BSN: variants seen among roughly 807,000 people sequenced by gnomAD.
BSN encodes bassoon presynaptic cytomatrix protein.
A neutral mutation model predicts 264.8 loss-of-function variants in BSN; 57 were observed. The observed-to-expected ratio is 0.22, with a 90% CI of 0.17 to 0.27. The LOEUF (loss-of-function observed/expected upper bound fraction) is 0.27. BSN is among the 10% of genes least tolerant of loss of function. The pLI, the probability that BSN is intolerant of heterozygous loss-of-function variation, is 1.00. For missense variants in BSN, 4,615 were observed against 5,232.5 expected (o/e 0.88, Z 3.64); for synonymous variants, 2,059 against 2,137.3 (o/e 0.96, Z 1.01).
In BSN at chr3:49,652,786, A is replaced by C; in HGVS notation, c.3230A>C (p.Asp1077Ala). ...AGCACGGCCCGCAAGACCCGGCGGGACAAGGAAGAACTGCGGGCCCAGCGG... is the reference window on the plus strand; with the variant it reads ...AGCACGGCCCGCAAGACCCGGCGGGCCAAGGAAGAACTGCGGGCCCAGCGG... ...IRSTARKTRRDKEELRAQRRR... is the reference protein window; with the variant it reads ...IRSTARKTRRAKEELRAQRRR... The change falls in exon 5 of 12, where the codon GAC becomes GCC. Residue 1077 changes from aspartate to alanine, a missense_variant. Physicochemically the swap from Asp to Ala is moderately radical, Grantham distance 126. Around this residue, in one of 3 missense-constraint regions of BSN, gnomAD observed 3,415 missense variants for 3,866.4 expected, o/e 0.88. Transcript: ENST00000296452. The C allele has an allele frequency of 1.3e-6, 2 of 1,550,766 alleles. No homozygotes were observed. Among genetic ancestry groups the C allele is most frequent in the Non-Finnish European group, 1.7e-6 (2 of 1,147,726 alleles).
At chr3:49,586,168 G>A (rs2051935667) in intron 1 of BSN, among the ~76,000 whole-genome samples, 1 of 152,068 alleles carries the variant, frequency 6.6e-6, no homozygotes. Context: ...GGTCAAGAAA[G>A]TTTTGCCTGG....
At chr3:49,563,652 A>G (rs1384888887) in intron 1 of BSN, among the ~76,000 whole-genome samples, 1 of 152,216 alleles carries the variant, frequency 6.6e-6, no homozygotes, top group Non-Finnish European at 1.5e-5. Flanking sequence ...AAAGTCCGGT[A>G]TGTGAGGCTG....
chr3:49,655,126 C>T lies in BSN; in HGVS notation c.5570C>T (p.Ala1857Val). 6.2e-7 allele frequency: 1 copy of T among 1,612,404 alleles called. No homozygotes were observed. Among genetic ancestry groups the T allele is most frequent in the Admixed American group, 1.7e-5 (1 of 59,984 alleles). Reference sequence around the variant, plus strand: ...CTGCGGTCACATGCTCTGCCAGGTGCCAGGAAGCCACACACAGTGGTGGTG... The same window carrying T: ...CTGCGGTCACATGCTCTGCCAGGTGTCAGGAAGCCACACACAGTGGTGGTG... ...AELRSHALPG[A>V]RKPHTVVVQM... Residue 1857 changes from alanine to valine, a missense_variant, in exon 5 of 12, where the codon GCC (alanine) becomes GTC (valine). Physicochemically the swap from Ala to Val is moderately conservative, Grantham distance 64. Coordinates refer to ENST00000296452, the MANE Select transcript of BSN (RefSeq NM_003458.4).
At position 49,661,120 on chromosome 3, in the gene BSN, C is replaced by T. The variant is rs547731798; in HGVS notation, c.9275C>T (p.Pro3092Leu). 2 of 1,612,704 alleles carry T rather than the reference C, an allele frequency of 1.2e-6. No individual in the cohort carries two copies. Among genetic ancestry groups the T allele is most frequent in the Admixed American group, 3.3e-5 (2 of 59,990 alleles). Residue 3092 changes from proline to leucine, a missense_variant, in exon 6 of 12, where the codon CCT becomes CTT. Physicochemically the swap from Pro to Leu is moderately conservative, Grantham distance 98. Transcript: ENST00000296452. Reference sequence around the variant, plus strand: ...CCTGGCCCCAGCACGTACCCAGCTCCTGCCTTTCCTCCTGGTGCCAGTTAC... The same window carrying T: ...CCTGGCCCCAGCACGTACCCAGCTCTTGCCTTTCCTCCTGGTGCCAGTTAC... ...TYPGPSTYPA[P>L]AFPPGASYPA...
At chr3:49,555,357 G>C (rs560051728) in intron 1 of BSN, among the ~76,000 whole-genome samples, 44 of 152,294 alleles carry the variant, frequency 2.9e-4, no homozygotes, top group African/African-American at 9.9e-4. Context: ...TCACCTTTGG[G>C]GGAAAGGAAA....
At chr3:49,595,871 A>G (rs1256427072) in intron 1 of BSN, among the ~76,000 whole-genome samples, 3 of 152,142 alleles carry the variant, frequency 2.0e-5, no homozygotes, top group Non-Finnish European at 4.4e-5. Flanking sequence ...TACATAGACA[A>G]TTATGTCATC....
At chr3:49,568,791 G>A (rs1024426530) in intron 1 of BSN, among the ~76,000 whole-genome samples, 2 of 152,206 alleles carry the variant, frequency 1.3e-5, no homozygotes, top group Admixed American at 6.5e-5. Context: ...TTTTACCAGT[G>A]TGTCTGTGCG....
intron 1 of BSN, among the ~76,000 whole-genome samples, chr3:49,590,074 G>C (rs1016123026): frequency 5.3e-5 from 8 of 151,810 alleles, no homozygotes; most frequent in Non-Finnish European, 1.0e-4. Context: ...TTAACCTCGT[G>C]ATCTGCCCGC....
intron 1 of BSN, among the ~76,000 whole-genome samples, chr3:49,557,860 C>T (rs536344263): frequency 9.2e-5 from 14 of 152,262 alleles, no homozygotes; most frequent in Admixed American, 5.2e-4. Flanking sequence ...CCACTGCACC[C>T]GGCCCAACTT....
intron 1 of BSN, among the ~76,000 whole-genome samples, chr3:49,566,979 C>CT (rs1192276614): frequency 4.0e-5 from 6 of 151,326 alleles, no homozygotes; most frequent in South Asian, 4.2e-4. Context: ...ATCTGTCAAC[C>CT]TTTTTTTTAA....
chr3:49,652,403 C>T lies in BSN; in HGVS notation c.2847C>T (p.Gly949=), dbSNP rs2052550866. ...TGSYGHELDL[G]QGPDPSLDRE... is the part of the protein sequence containing the mutation. ...GTTATGGTCATGAGTTGGACCTGGG[C>T]CAAGGCCCAGACCCCAGTCTGGACC... The change falls in exon 5 of 12, where the codon GGC becomes GGT. Residue 949 remains glycine (G), a synonymous_variant. Transcript: ENST00000296452. 3 of 1,609,614 alleles carry T rather than the reference C, an allele frequency of 1.9e-6. No homozygotes were observed. Among genetic ancestry groups the T allele is most frequent in the African/African-American group, 1.3e-5 (1 of 74,880 alleles).
chr3:49,581,122 C>T (rs1258258502), intron 1 of BSN, among the ~76,000 whole-genome samples: 1 of 152,084 alleles, frequency 6.6e-6, no homozygotes, highest in Non-Finnish European at 1.5e-5. Flanking sequence ...GCTGGGCCTA[C>T]AGAAGTGTGC....
rs1264732390 is a variant in BSN at position 49,663,547 on chromosome 3, G to A, written c.11389G>A (p.Ala3797Thr). Residue 3797 changes from alanine to threonine, a missense_variant, in exon 7 of 12, where the codon GCT becomes ACT. Ala to Thr is a moderately conservative substitution (Grantham distance 58). Around this residue, in one of 3 missense-constraint regions of BSN, gnomAD observed 3,415 missense variants for 3,866.4 expected, o/e 0.88. Coordinates refer to ENST00000296452, the MANE Select transcript of BSN (RefSeq NM_003458.4). Reference protein sequence around the residue: ...LQPPQQALTQARLQQQSQPTT... With the variant: ...LQPPQQALTQTRLQQQSQPTT... ...GCCCCCACAGCAGGCTCTGACACAG[G>A]CTCGGCTGCAGCAACAGAGCCAGCC... The A allele has an allele frequency of 6.2e-7, 1 of 1,609,768 alleles. No individual in the cohort carries two copies. Among genetic ancestry groups the A allele is most frequent in the Admixed American group, 1.7e-5 (1 of 59,546 alleles).
At chr3:49,632,757 T>C (rs562439859) in intron 2 of BSN, among the ~76,000 whole-genome samples, 1 of 151,728 alleles carries the variant, frequency 6.6e-6, no homozygotes, top group Admixed American at 6.6e-5. Context: ...TGAATCAAGA[T>C]CGCACTACTG....
chr3:49,652,044 C>T lies in BSN; in HGVS notation c.2488C>T (p.Pro830Ser), dbSNP rs1575447870. 2 of 1,609,888 alleles carry T rather than the reference C, an allele frequency of 1.2e-6. No homozygotes were observed. Among genetic ancestry groups the T allele is most frequent in the South Asian group, 2.2e-5 (2 of 90,600 alleles). Reference sequence around the variant, plus strand: ...TGGCCTGTCCCCTCTTCCACCCCAGCCCCCAGCCCGGGCAGCAGAACTGAC... The same window carrying T: ...TGGCCTGTCCCCTCTTCCACCCCAGTCCCCAGCCCGGGCAGCAGAACTGAC... ...EGGLSPLPPQ[P>S]PARAAELTDE... Residue 830 changes from proline (P) to serine (S), a missense_variant, in exon 5 of 12, where the codon CCC becomes TCC. Pro to Ser is a moderately conservative substitution (Grantham distance 74). Around this residue, in one of 3 missense-constraint regions of BSN, gnomAD observed 1,197 missense variants for 1,348.0 expected, o/e 0.89. Transcript: ENST00000296452.
intron 1 of BSN, among the ~76,000 whole-genome samples, chr3:49,606,332 T>TAATATATATTAAA (rs2052152016): frequency 8.2e-6 from 1 of 121,816 alleles, no homozygotes; most frequent in Non-Finnish European, 1.6e-5. Flanking sequence ...AAAATATATA[T>TAATATATATTAAA]ATATTTTTGG....
At position 49,662,137 on chromosome 3, in the gene BSN, T is replaced by G. The variant is rs749864104; in HGVS notation, c.10292T>G (p.Val3431Gly). The G allele has an allele frequency of 1.9e-6, 3 of 1,613,464 alleles. No homozygotes were observed. In the East Asian group the frequency reaches 6.7e-5, roughly 36 times the overall value. ...TATGGGATGTCCAGCCGGGACGCAG[T>G]GGAGGACGACCGCATTTATGGCGGG... is the stretch of plus-strand genomic sequence containing the variant. ...KYYGMSSRDA[V>G]EDDRIYGGSS... Residue 3431 changes from valine (V) to glycine (G), a missense_variant, in exon 6 of 12, where the codon GTG becomes GGG. Val to Gly is a moderately radical substitution (Grantham distance 109, BLOSUM62 -3). Around this residue, in one of 3 missense-constraint regions of BSN, gnomAD observed 3,415 missense variants for 3,866.4 expected, o/e 0.88. Coordinates refer to ENST00000296452, the MANE Select transcript of BSN (RefSeq NM_003458.4).
Position 49,554,511 on chromosome 3 carries a change from C to A in BSN, c.-92C>A. The stretch of plus-strand genomic sequence containing the variant: ...CGCGAGCCGAGCTGGGAGATGGCGG[C>A]GGCAGCGGCGGCGCCGAGAGTGTGA... On this transcript the variant is annotated 5_prime_UTR_variant, in exon 1 of 12. Transcript: ENST00000296452. 1 of 347,454 alleles carries A rather than the reference C, an allele frequency of 2.9e-6. No individual in the cohort carries two copies. Among genetic ancestry groups the A allele is most frequent in the Non-Finnish European group, 4.0e-6 (1 of 247,198 alleles). The allele number at this position is 347,454 out of a possible 1,614,324, so 21.5% of individuals were successfully genotyped here. A position where few individuals can be genotyped will look rare whatever the true frequency, so the allele number is the denominator to read the frequency against.
In BSN at chr3:49,653,590, A is replaced by G. The variant is rs1250081144; in HGVS notation, c.4034A>G (p.His1345Arg). 22 of 1,613,456 alleles carry G rather than the reference A, an allele frequency of 1.4e-5. No individual in the cohort carries two copies. In the Admixed American group the frequency reaches 3.7e-4, roughly 27 times the overall value. Reference sequence around the variant, plus strand: ...ATTCCCGATGTCCGTGTCACTCAGCATTTTGCAAAGGAGACTCAGGACCCC... The same window carrying G: ...ATTCCCGATGTCCGTGTCACTCAGCGTTTTGCAAAGGAGACTCAGGACCCC... ...RVIPDVRVTQ[H>R]FAKETQDPLK... Residue 1345 changes from histidine (H) to arginine (R), a missense_variant, in exon 5 of 12, where the codon CAT (histidine) becomes CGT (arginine). Transcript: ENST00000296452. This position sits in a 1 kb window ranked among gnomAD's most constrained non-coding sequence, Gnocchi z 6.3.
Sources: gnomAD v4.1 joint callset for allele counts (sites outside exome capture counted in the v4.1 genomes callset) on GRCh38, gnomAD v4.1.1 for gene constraint, gnomAD v4.1.1 regional missense constraint, Gnocchi (gnomAD v3.1) non-coding constraint, MANE v1.5 for transcripts, NCBI Gene and HGNC (gene_info 2026-07-23, HGNC 2026-07-21) for gene names.